COTL1: variants seen among roughly 807,000 people sequenced by gnomAD.
The protein encoded by COTL1 is coactosin-like protein.
COTL1 carries 15 observed loss-of-function variants against 16.5 expected under a neutral mutation model. The ratio of observed to expected loss-of-function variants is 0.91; its 90% CI spans 0.61 to 1.40. The LOEUF is 1.40. Among genes scored for constraint, COTL1 ranks in the 40% most tolerant of loss-of-function variants. The pLI is 0.00. For missense variants in COTL1, 220 were observed against 201.5 expected (o/e 1.09, Z -0.56); for synonymous variants, 112 against 85.3 (o/e 1.31, Z -1.73).
intron 3 of COTL1, chr16:84,575,893 A>C (rs1352425860): frequency 6.6e-6 from 1 of 152,234 alleles, no homozygotes; most frequent in African/African-American, 2.4e-5. Context: ...GGGCTTGCAC[A>C]CTTGATGAGA....
intron 3 of COTL1, among the ~76,000 whole-genome samples, chr16:84,571,515 C>T (rs1904336420): frequency 6.6e-6 from 1 of 152,210 alleles, no homozygotes; most frequent in African/African-American, 2.4e-5. Flanking sequence ...TCATCTCTCC[C>T]CCCTGCCCAT....
At position 84,592,598 on chromosome 16, in the gene COTL1, TAAA is replaced by T. The variant is rs11356776; in HGVS notation, c.161-2339_161-2337del. On this transcript the variant is annotated intron_variant, in intron 2 of 3. Transcript: ENST00000262428. ...TACTGGTCAAAGGATCACACTGAGTTAAAAAAAAAAAAAAAAATCAATCTGCGT... is the reference window on the plus strand; with the variant it reads ...TACTGGTCAAAGGATCACACTGAGTTAAAAAAAAAAAAAATCAATCTGCGT... Among the ~76,000 whole-genome samples the T allele has an allele frequency of 1.7e-4, 24 of 143,540 alleles. 1 individual carries two copies. The highest frequency in any genetic ancestry group is 5.2e-4 in the African/African-American group (20 of 38,826). The allele number at this position is 143,540 out of a possible 152,430, so 94.2% of individuals were successfully genotyped here. A position where few individuals can be genotyped will look rare whatever the true frequency, so the allele number is the denominator to read the frequency against.
At chr16:84,575,937 G>C (rs952276527) in intron 3 of COTL1, 2 of 152,278 alleles carry the variant, frequency 1.3e-5, no homozygotes, top group Non-Finnish European at 2.9e-5. Flanking sequence ...TCAACAGTCA[G>C]AGAGAATGTT....
At chr16:84,609,232 C>T (rs1309708404) in intron 2 of COTL1, among the ~76,000 whole-genome samples, 2 of 152,214 alleles carry the variant, frequency 1.3e-5, no homozygotes, top group Admixed American at 6.5e-5. Context: ...AGGTCATGGA[C>T]AGCAAGTGAA....
chr16:84,571,751 G>C (rs754515561), intron 3 of COTL1, among the ~76,000 whole-genome samples: 1 of 152,228 alleles, frequency 6.6e-6, no homozygotes, highest in Non-Finnish European at 1.5e-5. Context: ...TGGGTGAGAC[G>C]GTGAGACGGG....
At chr16:84,583,409 C>G (rs899820349) in intron 3 of COTL1, among the ~76,000 whole-genome samples, 4 of 152,176 alleles carry the variant, frequency 2.6e-5, no homozygotes, top group Admixed American at 2.6e-4. Flanking sequence ...GTGGCTAAAT[C>G]TGGTCCCAGA....
intron 2 of COTL1, chr16:84,594,616 A>C (rs1904952232): frequency 6.6e-6 from 1 of 152,252 alleles, no homozygotes; most frequent in Admixed American, 6.5e-5. Flanking sequence ...TTTCACAAGC[A>C]AAAGAACACG....
chr16:84,571,244 A>C (rs16974169), intron 3 of COTL1, among the ~76,000 whole-genome samples: 1 of 151,976 alleles, frequency 6.6e-6, no homozygotes, highest in Non-Finnish European at 1.5e-5. Context: ...CAAGGTGTAC[A>C]GCCTGGGACT....
Position 84,566,893 on chromosome 16 carries a change from G to A in COTL1, c.381C>T (p.Ser127=), listed in dbSNP as rs779740777. Residue 127 remains serine (S), a synonymous_variant, in exon 4 of 4, where the codon AGC becomes AGT. Coordinates refer to ENST00000262428, the MANE Select transcript of COTL1 (RefSeq NM_021149.5). ...TGGCTCCCCCCGCCTTCTTCAGCTCGCTCTTGATGAAATCTTCCTCCAGCT... is the reference window on the plus strand; with the variant it reads ...TGGCTCCCCCCGCCTTCTTCAGCTCACTCTTGATGAAATCTTCCTCCAGCT... The part of the protein sequence containing the change: ...RKELEEDFIK[S]ELKKAGGANY... The A allele has an allele frequency of 3.8e-5, 61 of 1,613,832 alleles. No individual in the cohort carries two copies. The highest frequency in any genetic ancestry group is 1.7e-4 in the Middle Eastern group (1 of 6,060).
chr16:84,617,592 T>G lies in COTL1; in HGVS notation c.78-9A>C, dbSNP rs747764536. ...CATATTTAAAAGTCACCCTTTGGGT[T>G]GGGAGAAGAAAAAAACACACACACA... On this transcript the variant is annotated splice_polypyrimidine_tract_variant and intron_variant, in intron 1 of 3. Transcript: ENST00000262428. 1 of 1,552,848 alleles carries G rather than the reference T, an allele frequency of 6.4e-7. No homozygotes were observed. Among genetic ancestry groups the G allele is most frequent in the African/African-American group, 1.4e-5 (1 of 73,128 alleles).
intron 3 of COTL1, among the ~76,000 whole-genome samples, chr16:84,572,046 G>A (rs1904346550): frequency 6.6e-6 from 1 of 152,226 alleles, no homozygotes. Flanking sequence ...AAAACCAACT[G>A]ACAACAACCT....
At chr16:84,580,302 G>A (rs1282514633) in intron 3 of COTL1, among the ~76,000 whole-genome samples, 2 of 152,180 alleles carry the variant, frequency 1.3e-5, no homozygotes, top group Admixed American at 6.5e-5. Flanking sequence ...CCACACTGGA[G>A]TGCCACTGCA....
At chr16:84,600,871 G>A (rs1285500689) in intron 2 of COTL1, among the ~76,000 whole-genome samples, 2 of 152,202 alleles carry the variant, frequency 1.3e-5, no homozygotes, top group African/African-American at 4.8e-5. Context: ...CAGGGTATAA[G>A]CTGATCTGGA....
intron 2 of COTL1, 91 bp downstream of exon 2, chr16:84,617,410 G>A: frequency 8.0e-7 from 1 of 1,255,180 alleles, no homozygotes; most frequent in East Asian, 2.6e-5. Flanking sequence ...TGTGGCCACC[G>A]GTTCCTCCCG....
At position 84,608,685 on chromosome 16, in the gene COTL1, C is replaced by T. The variant is rs114730574; in HGVS notation, c.160+8816G>A. 5.9e-3 allele frequency among the ~76,000 whole-genome samples: 902 copies of T among 152,312 alleles called. 14 individuals carry two copies. The highest frequency in any genetic ancestry group is 0.021 in the African/African-American group (858 of 41,560). On this transcript the variant is annotated intron_variant, in intron 2 of 3. Coordinates refer to ENST00000262428, the MANE Select transcript of COTL1 (RefSeq NM_021149.5). ...CTTTGAGAGGCCAAGGCAAGTGGAT[C>T]GCTTGAGCCCAGGAGTTCGAGACCT...
At chr16:84,568,941 T>C (rs1201641581) in intron 3 of COTL1, 1 of 152,222 alleles carries the variant, frequency 6.6e-6, no homozygotes. Context: ...CATCTCCTTT[T>C]GGGGTGATGA....
chr16:84,617,727 A>C, intron 1 of COTL1, 111 bp downstream of exon 1: 22 of 1,378,816 alleles, frequency 1.6e-5, no homozygotes, highest in Non-Finnish European at 2.2e-5. Flanking sequence ...GAATAAGGCG[A>C]GGAAGACAGC....
chr16:84,610,681 T>C (rs569650417), intron 2 of COTL1, among the ~76,000 whole-genome samples: 54 of 152,182 alleles, frequency 3.5e-4, no homozygotes, highest in Non-Finnish European at 5.7e-4. Flanking sequence ...ACCAGGATTA[T>C]TATGAAATGG....
Position 84,566,364 on chromosome 16 carries a change from C to T in COTL1, c.*481G>A, listed in dbSNP as rs13521. ...GTGTGCTTATGAAGGCTGCAGGCAC[C>T]GGGCACAGCTCCTGGCCCAGCTGCC... On this transcript the variant is annotated 3_prime_UTR_variant, in exon 4 of 4. Coordinates refer to ENST00000262428, the MANE Select transcript of COTL1 (RefSeq NM_021149.5). 31,020 of 153,158 alleles carry T rather than the reference C, an allele frequency of 0.2. 3,679 individuals are homozygous for T. The highest frequency in any genetic ancestry group is 0.28 in the Non-Finnish European group (19,148 of 68,804). The allele number at this position is 153,158 out of a possible 1,614,324, so 9.5% of individuals were successfully genotyped here. A position where few individuals can be genotyped will look rare whatever the true frequency, so the allele number is the denominator to read the frequency against.
Sources: allele counts gnomAD v4.1 joint callset (sites outside exome capture counted in the v4.1 genomes callset), GRCh38; gene constraint gnomAD v4.1.1; transcripts MANE v1.5; gene names NCBI Gene and HGNC (gene_info 2026-07-23, HGNC 2026-07-21).